Variants in VTI1A observed in about 807,000 individuals in gnomAD.
The protein encoded by VTI1A is vesicle transport through interaction with t-SNAREs homolog 1A.
A neutral mutation model predicts 34.9 loss-of-function variants in VTI1A; 22 were observed. The ratio of observed to expected loss-of-function variants is 0.63; its 90% confidence interval spans 0.45 to 0.90. The LOEUF (loss-of-function observed/expected upper bound fraction) is 0.90, where lower values mean the gene tolerates loss of function less well. VTI1A is among the 40% of genes least tolerant of loss of function. The probability of loss-of-function intolerance (pLI) is 0.00; values close to 1 mark genes in which losing one functional copy is unlikely to be tolerated. For missense variants in VTI1A, 268 were observed against 275.6 expected, an observed-to-expected ratio of 0.97 and a Z score of 0.20; for synonymous variants, 87 against 97.3, an observed-to-expected ratio of 0.89 and a Z score of 0.62.
At chr10:112,809,124 C>A (rs1429842129) in intron 7 of VTI1A, among the ~76,000 whole-genome samples, 1 of 152,178 alleles carries the variant, frequency 6.6e-6, no homozygotes, top group Non-Finnish European at 1.5e-5. Flanking sequence ...AGGATTACTC[C>A]TAGAGATGCA....
intron 3 of VTI1A, among the ~76,000 whole-genome samples, chr10:112,519,819 A>G (rs1235311849): frequency 3.3e-5 from 5 of 152,066 alleles, no homozygotes; most frequent in Non-Finnish European, 5.9e-5. Context: ...TCAGTTACGG[A>G]GAATCCTCAG....
At chr10:112,690,120 A>G (rs1015289704) in intron 7 of VTI1A, among the ~76,000 whole-genome samples, 4 of 150,186 alleles carry the variant, frequency 2.7e-5, no homozygotes, top group African/African-American at 7.5e-5. Context: ...TTGCTGAGTA[A>G]TATTCCAGAG....
At chr10:112,836,041 C>T in the VTI1A span, among the ~76,000 whole-genome samples, 9 of 152,220 alleles carry the variant, frequency 5.9e-5, no homozygotes, top group Non-Finnish European at 1.2e-4. Flanking sequence ...GAATAAACAT[C>T]GGCTGCCTGG....
intron 7 of VTI1A, among the ~76,000 whole-genome samples, chr10:112,762,224 C>A (rs1357403992): frequency 6.6e-6 from 1 of 152,096 alleles, no homozygotes; most frequent in African/African-American, 2.4e-5. Flanking sequence ...CAGTTGGGCT[C>A]ATAGGGGATG....
intron 7 of VTI1A, among the ~76,000 whole-genome samples, chr10:112,804,308 C>T (rs916708910): frequency 1.3e-5 from 2 of 152,244 alleles, no homozygotes; most frequent in Non-Finnish European, 2.9e-5. Context: ...TGGGAAGCAG[C>T]AGCTTCCTGG....
At chr10:112,546,254 T>G (rs1195619760) in intron 5 of VTI1A, among the ~76,000 whole-genome samples, 1 of 151,456 alleles carries the variant, frequency 6.6e-6, no homozygotes, top group Non-Finnish European at 1.5e-5. Flanking sequence ...TTTGGCCAGG[T>G]AGCTAGCTAT....
chr10:112,447,049 G>GA (rs1311568399), upstream of VTI1A: 8 of 315,604 alleles, frequency 2.5e-5, no homozygotes, highest in South Asian at 3.8e-4. Flanking sequence ...ACGAAGGGGG[G>GA]AAAAAACGCT....
intron 7 of VTI1A, among the ~76,000 whole-genome samples, chr10:112,811,611 G>T (rs1853305116): frequency 6.6e-6 from 1 of 151,038 alleles, no homozygotes; most frequent in Non-Finnish European, 1.5e-5. Context: ...GTGAGCCCGG[G>T]AGGCGGAGCT....
At chr10:112,692,834 C>T (rs1848653113) in intron 7 of VTI1A, among the ~76,000 whole-genome samples, 1 of 152,260 alleles carries the variant, frequency 6.6e-6, no homozygotes, top group Non-Finnish European at 1.5e-5. Flanking sequence ...GTGGGAACCA[C>T]TGCTGCACTG....
At chr10:112,515,330 TTGA>T (rs1030957449) in intron 3 of VTI1A, among the ~76,000 whole-genome samples, 19 of 152,034 alleles carry the variant, frequency 1.2e-4, no homozygotes, top group African/African-American at 2.4e-5. Context: ...TTTTTAGATA[TTGA>T]TGAGTAGACA....
intron 3 of VTI1A, among the ~76,000 whole-genome samples, chr10:112,504,288 T>C (rs1373589790): frequency 1.3e-5 from 2 of 152,196 alleles, no homozygotes; most frequent in Non-Finnish European, 2.9e-5. Flanking sequence ...CCCAGGTAAC[T>C]ACTGTTACGA....
chr10:112,581,151 A>G (rs1843917571), intron 5 of VTI1A, among the ~76,000 whole-genome samples: 1 of 152,220 alleles, frequency 6.6e-6, no homozygotes, highest in Admixed American at 6.5e-5. Context: ...GATGGAACAC[A>G]GGGAGGAGAG....
At chr10:112,654,071 G>C (rs1847136481) in intron 5 of VTI1A, among the ~76,000 whole-genome samples, 2 of 152,188 alleles carry the variant, frequency 1.3e-5, no homozygotes, top group Non-Finnish European at 2.9e-5. Flanking sequence ...AACTCCCGAT[G>C]TCATAGTGCT....
intron 5 of VTI1A, among the ~76,000 whole-genome samples, chr10:112,623,303 C>T (rs1194928978): frequency 6.6e-6 from 1 of 152,088 alleles, no homozygotes; most frequent in East Asian, 1.9e-4. Context: ...AAGAGACAGG[C>T]TAGAGGCTTT....
chr10:112,714,460 G>A (rs996209930), intron 7 of VTI1A, among the ~76,000 whole-genome samples: 1 of 152,168 alleles, frequency 6.6e-6, no homozygotes, highest in African/African-American at 2.4e-5. Context: ...TATAAACCCA[G>A]CATCTGCAAG....
At chr10:112,663,706 C>CT (rs1847544749) in intron 5 of VTI1A, among the ~76,000 whole-genome samples, 1 of 152,178 alleles carries the variant, frequency 6.6e-6, no homozygotes, top group Non-Finnish European at 1.5e-5. Context: ...CAAAGAGTGA[C>CT]TGACCCAACC....
At chr10:112,662,269 CTCT>C (rs914489896) in intron 5 of VTI1A, among the ~76,000 whole-genome samples, 10 of 152,086 alleles carry the variant, frequency 6.6e-5, no homozygotes, top group Non-Finnish European at 1.5e-4. Flanking sequence ...CTCTAATAAT[CTCT>C]TTTTCTGGGA....
chr10:112,701,468 G>A (rs1352788996), intron 7 of VTI1A, among the ~76,000 whole-genome samples: 1 of 152,164 alleles, frequency 6.6e-6, no homozygotes, highest in Admixed American at 6.6e-5. Context: ...GTGCAGATTT[G>A]GAATGTATAA....
intron 7 of VTI1A, among the ~76,000 whole-genome samples, chr10:112,809,816 C>A (rs1853221531): frequency 6.6e-6 from 1 of 152,080 alleles, no homozygotes; most frequent in Non-Finnish European, 1.5e-5. Flanking sequence ...TGTGGAAGGT[C>A]CACTTTTTAC....
Sources: allele counts gnomAD v4.1 joint callset (sites outside exome capture counted in the v4.1 genomes callset), GRCh38; gene constraint gnomAD v4.1.1; transcripts MANE v1.5; gene names NCBI Gene and HGNC (gene_info 2026-07-23, HGNC 2026-07-21).